Variants in PLSCR2 observed in about 807,000 individuals in gnomAD.
PLSCR2 encodes PL scramblase 2.
In PLSCR2, 18 loss-of-function variants were observed where a neutral mutation model predicts 25.3. The observed-to-expected ratio is 0.71, with a 90% confidence interval of 0.49 to 1.06. The LOEUF (loss-of-function observed/expected upper bound fraction) is 1.06, where lower values mean the gene tolerates loss of function less well. Among genes scored for constraint, PLSCR2 ranks in the 50% least tolerant of loss-of-function variants. PLSCR2 has a pLI of 0.00. For missense variants in PLSCR2, 243 were observed against 269.5 expected, an observed-to-expected ratio of 0.90 and a Z score of 0.69; for synonymous variants, 88 against 87.3, an observed-to-expected ratio of 1.01 and a Z score of -0.04.
At chr3:146,420,382 A>T (rs2039106634) in intron 2 of PLSCR2, among the ~76,000 whole-genome samples, 2 of 152,026 alleles carry the variant, frequency 1.3e-5, no homozygotes, top group Middle Eastern at 3.4e-3. Context: ...CTACTTATTA[A>T]TTTTTCTATA....
At chr3:146,443,965 T>C (rs2040399615) in intron 6 of PLSCR2, among the ~76,000 whole-genome samples, 1 of 152,012 alleles carries the variant, frequency 6.6e-6, no homozygotes, top group South Asian at 2.1e-4. Context: ...CTGTTTCCAT[T>C]ACCATTTGTT....
upstream of PLSCR2, among the ~76,000 whole-genome samples, chr3:146,462,625 C>A (rs1411626640): frequency 1.3e-5 from 2 of 151,740 alleles, no homozygotes; most frequent in African/African-American, 4.8e-5. Flanking sequence ...GCCACCATAC[C>A]CAGCTAATTT....
At position 146,471,422 on chromosome 3, in the gene PLSCR2, A is replaced by G. The variant is rs1315138662; in HGVS notation, c.-292-11138T>C. On this transcript the variant is annotated intron_variant, in intron 1 of 8. Transcript: ENST00000336685. The stretch of plus-strand genomic sequence containing the variant: ...AGATTGAGGACTTTTTCATATGATT[A>G]CTAATTATTTTACAGTTTTATTCTG... 5.9e-5 allele frequency among the ~76,000 whole-genome samples: 9 copies of G among 152,224 alleles called. 1 individual carries two copies. In the South Asian group the frequency reaches 1.2e-3, roughly 21 times the overall value.
chr3:146,411,857 A>G (rs2038865144), intron 2 of PLSCR2, among the ~76,000 whole-genome samples: 2 of 152,160 alleles, frequency 1.3e-5, no homozygotes, highest in South Asian at 4.1e-4. Context: ...CAGGGACTTT[A>G]AGACTATTAC....
chr3:146,458,360 G>A, intron 3 of PLSCR2, 51 bp downstream of exon 3: 1 of 1,410,900 alleles, frequency 7.1e-7, no homozygotes, highest in Non-Finnish European at 9.5e-7. Context: ...ATCTTTATTT[G>A]CATAAACTTC....
At chr3:146,414,120 TC>T (rs1361264224) in intron 2 of PLSCR2, among the ~76,000 whole-genome samples, 39 of 152,240 alleles carry the variant, frequency 2.6e-4, no homozygotes, top group African/African-American at 7.9e-4. Context: ...ATCAGATGCA[TC>T]CTTTTATCAG....
At chr3:146,469,524 T>C (rs886908672) in intron 1 of PLSCR2, 81 of 985,294 alleles carry the variant, frequency 8.2e-5, no homozygotes, top group Non-Finnish European at 9.3e-5. Context: ...CGCACAGCCC[T>C]GAGCGAGCCG....
At chr3:146,405,736 G>T (rs939549067) in intron 2 of PLSCR2, among the ~76,000 whole-genome samples, 2 of 152,140 alleles carry the variant, frequency 1.3e-5, no homozygotes, top group South Asian at 4.2e-4. Flanking sequence ...GGATGGGGAG[G>T]GGTCTGGCCA....
chr3:146,436,590 TA>T, intron 8 of PLSCR2, among the ~76,000 whole-genome samples: 1 of 152,308 alleles, frequency 6.6e-6, no homozygotes, highest in South Asian at 2.1e-4. Flanking sequence ...GTTATTGGTG[TA>T]TAGGAATGCT....
At chr3:146,455,108 A>G in intron 4 of PLSCR2, 131 bp downstream of exon 4, 1 of 645,744 alleles carries the variant, frequency 1.5e-6, no homozygotes, top group South Asian at 2.0e-5. Context: ...TATACAATTG[A>G]TTTGGAAGCC....
chr3:146,425,874 A>G (rs1410423631), intron 2 of PLSCR2, among the ~76,000 whole-genome samples: 3 of 152,168 alleles, frequency 2.0e-5, no homozygotes, highest in Admixed American at 6.6e-5. Flanking sequence ...AATGGCAGAA[A>G]GATGAGCTAA....
exon 3 of PLSCR2, chr3:146,458,412 T>A: frequency 6.6e-7 from 1 of 1,506,920 alleles, no homozygotes; most frequent in Non-Finnish European, 9.0e-7. Context: ...AATACATACC[T>A]TCCAGAAGTT....
chr3:146,444,746 T>A (rs1430690137), intron 6 of PLSCR2, among the ~76,000 whole-genome samples: 1 of 152,060 alleles, frequency 6.6e-6, no homozygotes, highest in African/African-American at 2.4e-5. Context: ...TTTAGTCCAT[T>A]TATATTCAAT....
At chr3:146,480,445 G>C (rs183029114) in intron 1 of PLSCR2, among the ~76,000 whole-genome samples, 1 of 152,230 alleles carries the variant, frequency 6.6e-6, no homozygotes, top group East Asian at 1.9e-4. Context: ...TACCATAAGA[G>C]AAAACTATAA....
chr3:146,479,431 G>A (rs2043050952), intron 1 of PLSCR2, among the ~76,000 whole-genome samples: 1 of 152,038 alleles, frequency 6.6e-6, no homozygotes, highest in Non-Finnish European at 1.5e-5. Flanking sequence ...AACAAAGCAG[G>A]GGTTGGAATC....
At position 146,441,846 on chromosome 3, in the gene PLSCR2, ATGAAT is replaced by A. The variant is rs758965522; in HGVS notation, c.646-30_646-26del. The A allele has an allele frequency of 3.1e-5, 47 of 1,505,116 alleles. No homozygotes were observed. The East Asian group carries it at 1.1e-3, about 34-fold the overall frequency. 93.2% of individuals were successfully genotyped at this position (1,505,116 alleles called of 1,614,324 possible). On this transcript the variant is annotated intron_variant, in intron 6 of 6. Coordinates refer to ENST00000610787, the Ensembl canonical transcript of PLSCR2. Reference sequence around the variant, plus strand: ...CCTGGATAAAAACAAAAATACAGAAATGAATTCTCAGAAACCAAACAGAGATCAGA... The same window carrying A: ...CCTGGATAAAAACAAAAATACAGAAATCTCAGAAACCAAACAGAGATCAGA...
At chr3:146,478,495 G>A (rs1291192585) in intron 1 of PLSCR2, among the ~76,000 whole-genome samples, 2 of 152,114 alleles carry the variant, frequency 1.3e-5, no homozygotes, top group African/African-American at 4.8e-5. Context: ...GGGTATTGGT[G>A]ATTGAAGATC....
chr3:146,430,740 C>T (rs2039516461), downstream of PLSCR2, among the ~76,000 whole-genome samples: 1 of 151,988 alleles, frequency 6.6e-6, no homozygotes, highest in Non-Finnish European at 1.5e-5. Flanking sequence ...CCAGTCTACA[C>T]TTTCACTTCC....
chr3:146,486,345 T>G (rs540987306), intron 1 of PLSCR2, among the ~76,000 whole-genome samples: 1 of 147,014 alleles, frequency 6.8e-6, no homozygotes, highest in Admixed American at 6.8e-5. Context: ...GACAGAGACA[T>G]GAAAAACCCT....
Sources: gnomAD v4.1 joint callset for allele counts (sites outside exome capture counted in the v4.1 genomes callset) on GRCh38, gnomAD v4.1.1 for gene constraint, MANE v1.5 for transcripts, NCBI Gene and HGNC (gene_info 2026-07-23, HGNC 2026-07-21) for gene names.